The following LARGE1 variants were observed in gnomAD, a reference collection of about 807,000 sequenced individuals.
LARGE1 encodes the protein xylosyl- and glucuronyltransferase LARGE1.
LARGE1 carries 43 observed loss-of-function variants against 87.6 expected under a neutral mutation model. That is an observed-to-expected ratio of 0.49 (90% CI 0.38 to 0.63). LARGE1 has a LOEUF of 0.63. Among genes scored for constraint, LARGE1 ranks in the 30% least tolerant of loss-of-function variants. LARGE1 has a pLI of 0.00. For synonymous variants in LARGE1, 434 were observed against 394.6 expected (o/e 1.10, Z -1.18); for missense variants, 802 against 1,000.2 (o/e 0.80, Z 2.67).
intron 6 of LARGE1, among the ~76,000 whole-genome samples, chr22:33,432,475 C>A (rs561358943): frequency 1.3e-5 from 2 of 152,254 alleles, no homozygotes; most frequent in East Asian, 3.9e-4. Context: ...TTATTATTTC[C>A]ATTTTATAGA....
intron 11 of LARGE1, among the ~76,000 whole-genome samples, chr22:33,211,600 C>T (rs544784039): frequency 1.3e-5 from 2 of 152,142 alleles, no homozygotes; most frequent in Admixed American, 6.5e-5. Flanking sequence ...GCTGAAATCC[C>T]GTCTCTACTA....
chr22:33,914,074 C>T (rs987707965), intron 1 of LARGE1, among the ~76,000 whole-genome samples: 13 of 152,132 alleles, frequency 8.5e-5, no homozygotes, highest in Admixed American at 7.9e-4. Flanking sequence ...ATACAGCACT[C>T]CTCCACTTGG....
chr22:33,656,332 C>T (rs932991912), intron 2 of LARGE1, among the ~76,000 whole-genome samples: 1 of 152,098 alleles, frequency 6.6e-6, no homozygotes, highest in African/African-American at 2.4e-5. Flanking sequence ...AGGGGTTTCC[C>T]TTATAAAACC....
At chr22:33,212,944 G>C (rs1314419926) in intron 11 of LARGE1, among the ~76,000 whole-genome samples, 2 of 152,072 alleles carry the variant, frequency 1.3e-5, no homozygotes, top group African/African-American at 4.8e-5. Context: ...TGTGAACCCA[G>C]GAGGCGGGGT....
At chr22:33,253,339 G>A (rs1473322868) in intron 11 of LARGE1, among the ~76,000 whole-genome samples, 1 of 152,184 alleles carries the variant, frequency 6.6e-6, no homozygotes, top group Non-Finnish European at 1.5e-5. Context: ...ACTAATTAAA[G>A]AGTAGCACTA....
At chr22:33,179,800 C>T (rs1306744262) in intron 11 of LARGE1, among the ~76,000 whole-genome samples, 4 of 152,144 alleles carry the variant, frequency 2.6e-5, no homozygotes, top group Non-Finnish European at 5.9e-5. Flanking sequence ...AATACAATTT[C>T]CTCCTTACTG....
chr22:33,313,333 C>T (rs1184666185), intron 11 of LARGE1, among the ~76,000 whole-genome samples: 1 of 152,202 alleles, frequency 6.6e-6, no homozygotes, highest in Non-Finnish European at 1.5e-5. Context: ...GACACATTCC[C>T]TGCCTTTTCC....
the LARGE1 span, among the ~76,000 whole-genome samples, chr22:33,124,034 C>T: frequency 1.9e-4 from 29 of 152,150 alleles, no homozygotes; most frequent in Non-Finnish European, 4.3e-4. Context: ...GTCTGTAACC[C>T]CAACACTTTG....
intron 11 of LARGE1, among the ~76,000 whole-genome samples, chr22:33,191,018 A>G (rs1325732499): frequency 6.6e-6 from 1 of 152,122 alleles, no homozygotes; most frequent in Non-Finnish European, 1.5e-5. Flanking sequence ...TTCTTTTTAA[A>G]CACCTGTTTC....
chr22:33,777,343 TA>T (rs1383186650), intron 1 of LARGE1, among the ~76,000 whole-genome samples: 4 of 152,002 alleles, frequency 2.6e-5, no homozygotes, highest in Admixed American at 6.6e-5. Flanking sequence ...GATCTGTGCT[TA>T]AGACAATCAA....
At chr22:33,144,377 T>C in the LARGE1 span, among the ~76,000 whole-genome samples, 6 of 152,298 alleles carry the variant, frequency 3.9e-5, no homozygotes, top group Admixed American at 3.3e-4. Flanking sequence ...AGTTGTTGCA[T>C]AGAATTAATT....
chr22:33,428,847 G>A (rs528185493), intron 7 of LARGE1, among the ~76,000 whole-genome samples: 125 of 148,218 alleles, frequency 8.4e-4, no homozygotes, highest in Non-Finnish European at 1.0e-3. Flanking sequence ...GGAGAATGGC[G>A]TGAACCCGGG....
chr22:33,455,677 C>T (rs1399300894), intron 6 of LARGE1, among the ~76,000 whole-genome samples: 1 of 147,406 alleles, frequency 6.8e-6, no homozygotes, highest in African/African-American at 2.5e-5. Context: ...TCGCTTGAAC[C>T]CAGGAGGCGG....
intron 5 of LARGE1, among the ~76,000 whole-genome samples, chr22:33,604,097 G>A (rs986440416): frequency 3.9e-5 from 6 of 152,082 alleles, no homozygotes; most frequent in Admixed American, 6.5e-5. Context: ...AGCCCATGGG[G>A]GTCTGAGTTC....
At chr22:33,201,699 G>A (rs753473378) in intron 11 of LARGE1, among the ~76,000 whole-genome samples, 2 of 152,100 alleles carry the variant, frequency 1.3e-5, no homozygotes, top group Non-Finnish European at 2.9e-5. Flanking sequence ...AGAGTGGAGG[G>A]GGCTGAGGGT....
rs189332898 is a variant in LARGE1 at position 33,831,241 on chromosome 22, C to T, written c.-82-69683G>A. ...GATTACAGGCATGAGCCACTGCGAC[C>T]GGCTCATTAGCAGAGATTCTAAGGG... is the stretch of plus-strand genomic sequence containing the variant. On this transcript the variant is annotated intron_variant, in intron 1 of 14. Transcript: ENST00000397394. 5.1e-3 allele frequency among the ~76,000 whole-genome samples: 781 copies of T among 152,012 alleles called. 8 individuals carry two copies. The highest frequency in any genetic ancestry group is 0.018 in the African/African-American group (756 of 41,466).
At chr22:33,455,436 T>C (rs1041205638) in intron 6 of LARGE1, among the ~76,000 whole-genome samples, 7 of 152,142 alleles carry the variant, frequency 4.6e-5, no homozygotes, top group African/African-American at 1.4e-4. Context: ...GAAAACAAAA[T>C]AGACTACTTT....
chr22:33,166,400 G>A, exon 12 of LARGE1: 1 of 215,080 alleles, frequency 4.6e-6, no homozygotes, highest in Non-Finnish European at 9.3e-6. Flanking sequence ...TTACCACAGG[G>A]ATGTTCACCT....
intron 2 of LARGE1, among the ~76,000 whole-genome samples, chr22:33,755,947 TA>T (rs1226732036): frequency 6.6e-6 from 1 of 152,144 alleles, no homozygotes; most frequent in Non-Finnish European, 1.5e-5. Context: ...GATCTGGCAT[TA>T]GGGGAAAATG....
Sources: allele counts gnomAD v4.1 joint callset (sites outside exome capture counted in the v4.1 genomes callset), GRCh38; gene constraint gnomAD v4.1.1; transcripts MANE v1.5; gene names NCBI Gene and HGNC (gene_info 2026-07-23, HGNC 2026-07-21).